Variants in GOLIM4 observed in about 807,000 individuals in gnomAD.
GOLIM4 encodes the protein golgi integral membrane protein 4, also known as 130 kDa golgi-localized phosphoprotein.
GOLIM4 carries 71 observed loss-of-function variants against 107.4 expected under a neutral mutation model. The observed-to-expected ratio is 0.66, with a 90% confidence interval of 0.55 to 0.81. The LOEUF (loss-of-function observed/expected upper bound fraction) is 0.81. Among genes scored for constraint, GOLIM4 ranks in the 30% least tolerant of loss-of-function variants. The pLI is 0.00. For missense variants in GOLIM4, 830 were observed against 826.1 expected (o/e 1.00, Z -0.06); for synonymous variants, 327 against 294.8 (o/e 1.11, Z -1.12).
At chr3:168,057,810 G>T (rs1720059575) in intron 1 of GOLIM4, among the ~76,000 whole-genome samples, 1 of 152,142 alleles carries the variant, frequency 6.6e-6, no homozygotes, top group Non-Finnish European at 1.5e-5. Context: ...TACCACTTCA[G>T]TCTCAATCCC....
At chr3:168,071,748 T>C (rs1720840361) in intron 1 of GOLIM4, among the ~76,000 whole-genome samples, 1 of 151,322 alleles carries the variant, frequency 6.6e-6, no homozygotes, top group Non-Finnish European at 1.5e-5. Flanking sequence ...TGTGAGGGAG[T>C]GGAAAAATGT....
intron 1 of GOLIM4, among the ~76,000 whole-genome samples, chr3:168,069,099 C>T (rs1720707752): frequency 6.6e-6 from 1 of 152,160 alleles, no homozygotes; most frequent in Admixed American, 6.5e-5. Flanking sequence ...TCTCAAACTG[C>T]TGGGATTACA....
intron 14 of GOLIM4, among the ~76,000 whole-genome samples, chr3:168,013,877 C>G (rs571983605): frequency 4.7e-5 from 7 of 149,942 alleles, no homozygotes; most frequent in South Asian, 4.3e-4. Context: ...ATCTCTGGGA[C>G]GCATTCAAAG....
intron 14 of GOLIM4, among the ~76,000 whole-genome samples, chr3:168,021,711 C>T (rs1035924763): frequency 6.6e-6 from 1 of 151,844 alleles, no homozygotes; most frequent in Non-Finnish European, 1.5e-5. Flanking sequence ...CTTCTTGACA[C>T]GGTGATTCAC....
intron 14 of GOLIM4, among the ~76,000 whole-genome samples, chr3:168,022,032 C>CAAGAAAT (rs1717720866): frequency 6.6e-6 from 1 of 152,094 alleles, no homozygotes; most frequent in Non-Finnish European, 1.5e-5. Flanking sequence ...AAACAAGAAA[C>CAAGAAAT]AAGAAATGCT....
chr3:168,083,924 G>A (rs1415165678), intron 1 of GOLIM4, among the ~76,000 whole-genome samples: 2 of 152,150 alleles, frequency 1.3e-5, no homozygotes, highest in African/African-American at 4.8e-5. Flanking sequence ...CAGAAGTGAT[G>A]AGATACCACT....
At position 168,010,335 on chromosome 3, in the gene GOLIM4, C is replaced by T; in HGVS notation, c.2025G>A (p.Glu675=). The change falls in exon 16 of 16, where the codon GAG becomes GAA. Residue 675 remains glutamate (E), a synonymous_variant. Coordinates refer to ENST00000470487, the MANE Select transcript of GOLIM4 (RefSeq NM_014498.5). ...CCCCGTCTTCTTCCTCCTCTTCTTC[C>T]TCCTCGTAGTGTTCCTCTCGGCCTT... ...RPKGREEHYE[E]EEEEEEDGAA... is the part of the protein sequence containing the mutation. The T allele has an allele frequency of 1.2e-6, 2 of 1,613,934 alleles. No homozygotes were observed. Among genetic ancestry groups the T allele is most frequent in the Non-Finnish European group, 8.5e-7 (1 of 1,179,856 alleles).
In GOLIM4 at chr3:168,047,005, A is replaced by G; in HGVS notation, c.263-6T>C. The G allele has an allele frequency of 8.2e-7, 1 of 1,223,962 alleles. No homozygotes were observed. Among genetic ancestry groups the G allele is most frequent in the Non-Finnish European group, 1.2e-6 (1 of 867,038 alleles). 75.8% of individuals were successfully genotyped at this position (1,223,962 alleles called of 1,614,324 possible). ...TAACTTATAAACAAGAAAATCTAGA[A>G]AATACAAGATGGAAAAAAACAGTGA... On this transcript the variant is annotated splice_polypyrimidine_tract_variant and splice_region_variant and intron_variant, in intron 2 of 15. Transcript: ENST00000470487.
chr3:168,070,660 T>C (rs999956366), intron 1 of GOLIM4, among the ~76,000 whole-genome samples: 4 of 152,328 alleles, frequency 2.6e-5, no homozygotes, highest in Admixed American at 2.6e-4. Context: ...TGCCAATGGT[T>C]TCAACCCATG....
At chr3:168,039,391 G>A (rs1718848442) in intron 7 of GOLIM4, among the ~76,000 whole-genome samples, 1 of 151,800 alleles carries the variant, frequency 6.6e-6, no homozygotes, top group South Asian at 2.1e-4. Flanking sequence ...AGCCTCCTGG[G>A]TAGCTGGGAT....
At chr3:168,029,593 GA>G (rs1465120783) in intron 10 of GOLIM4, among the ~76,000 whole-genome samples, 186 bp downstream of exon 10, 2 of 151,974 alleles carry the variant, frequency 1.3e-5, no homozygotes, top group African/African-American at 2.4e-5. Context: ...CTTTTGAGCA[GA>G]AAAAAAATAT....
intron 1 of GOLIM4, among the ~76,000 whole-genome samples, chr3:168,075,485 A>C (rs1721037343): frequency 6.6e-6 from 1 of 151,382 alleles, no homozygotes; most frequent in African/African-American, 2.4e-5. Context: ...TTTTTAGTAG[A>C]GACGGGGTTT....
At chr3:168,031,343 TAA>T (rs1026712447) in intron 9 of GOLIM4, among the ~76,000 whole-genome samples, 1 of 152,130 alleles carries the variant, frequency 6.6e-6, no homozygotes, top group Non-Finnish European at 1.5e-5. Context: ...GCTCCCAAAA[TAA>T]AAAAGAGATA....
chr3:168,041,663 A>G (rs985478210), intron 5 of GOLIM4, among the ~76,000 whole-genome samples, 189 bp from the exon 6 acceptor site: 2 of 152,162 alleles, frequency 1.3e-5, no homozygotes, highest in African/African-American at 2.4e-5. Flanking sequence ...GGACATCTCA[A>G]TCCACTCTGG....
chr3:168,030,061 G>C (rs1387061393), intron 9 of GOLIM4, 25 bp from the exon 10 acceptor site: 4 of 1,607,096 alleles, frequency 2.5e-6, no homozygotes, highest in Non-Finnish European at 3.4e-6. Context: ...AGTTGGTGCA[G>C]AGCAAGAGGG....
At chr3:168,036,752 T>C (rs1215304426) in intron 8 of GOLIM4, 84 bp downstream of exon 8, 10 of 1,054,980 alleles carry the variant, frequency 9.5e-6, no homozygotes, top group Non-Finnish European at 6.8e-6. Flanking sequence ...CCCAGAAAAG[T>C]TGGCAATATT....
chr3:168,024,819 G>T (rs1406407246), intron 13 of GOLIM4, 109 bp downstream of exon 13: 3 of 1,161,370 alleles, frequency 2.6e-6, no homozygotes, highest in Non-Finnish European at 3.8e-6. Flanking sequence ...AAAAACCACC[G>T]AAGTGGCAAA....
chr3:168,047,913 T>C (rs1311888549), intron 2 of GOLIM4, among the ~76,000 whole-genome samples: 1 of 152,208 alleles, frequency 6.6e-6, no homozygotes, highest in Non-Finnish European at 1.5e-5. Context: ...TTTGTCATAT[T>C]CTGGACAATG....
At chr3:168,051,363 AAT>A (rs1467300411) in intron 1 of GOLIM4, among the ~76,000 whole-genome samples, 1 of 152,168 alleles carries the variant, frequency 6.6e-6, no homozygotes, top group African/African-American at 2.4e-5. Flanking sequence ...TTCCACACTA[AAT>A]GGAAATTTAC....
Sources: gnomAD v4.1 joint callset for allele counts (sites outside exome capture counted in the v4.1 genomes callset) on GRCh38, gnomAD v4.1.1 for gene constraint, MANE v1.5 for transcripts, NCBI Gene and HGNC (gene_info 2026-07-23, HGNC 2026-07-21) for gene names.